Variants in PDZD2 observed in about 807,000 individuals in gnomAD.
PDZD2 encodes PDZ domain containing 2.
PDZD2 carries 90 observed loss-of-function variants against 220.7 expected under a neutral mutation model. That is an observed-to-expected ratio of 0.41 (90% CI 0.34 to 0.49). The LOEUF is 0.49. Ranked by LOEUF, PDZD2 falls within the 20% of genes least tolerant of loss-of-function variation. The probability of loss-of-function intolerance (pLI) is 0.28; values close to 1 mark genes in which losing one functional copy is unlikely to be tolerated. For synonymous variants in PDZD2, 1,375 were observed against 1,450.5 expected, an observed-to-expected ratio of 0.95 and a Z score of 1.18; for missense variants, 3,174 against 3,608.5, an observed-to-expected ratio of 0.88 and a Z score of 3.08.
chr5:32,002,377 G>A (rs1406238357), intron 5 of PDZD2, among the ~76,000 whole-genome samples: 1 of 152,068 alleles, frequency 6.6e-6, no homozygotes, highest in African/African-American at 2.4e-5. Flanking sequence ...CTCCCTGCAT[G>A]TCTTCACCCA....
At chr5:31,855,071 C>T (rs1758319045) in intron 2 of PDZD2, 19 of 985,172 alleles carry the variant, frequency 1.9e-5, no homozygotes, top group Non-Finnish European at 2.2e-5. Flanking sequence ...GCGCGGAGAC[C>T]GGCCTGGCGA....
At chr5:31,961,368 CAAAAAA>C (rs60867902) in intron 2 of PDZD2, among the ~76,000 whole-genome samples, 2 of 130,776 alleles carry the variant, frequency 1.5e-5, no homozygotes, top group Admixed American at 7.9e-5. Context: ...TCCGTCTCTA[CAAAAAA>C]AAAAAAAAAA....
Position 31,752,069 on chromosome 5 carries a change from G to GTTTTTTTT in PDZD2, c.-360-46817_-360-46816insTTTTTTTT, listed in dbSNP as rs1491302993. On this transcript the variant is annotated intron_variant, in intron 1 of 24. Coordinates refer to ENST00000438447, the MANE Select transcript of PDZD2 (RefSeq NM_178140.4). ...TTGTTTGTTTGTTTTATTGTTTTGG[G>GTTTTTTTT]TTTGTTTTTTTTTTTTTTTTTCTGA... Among the ~76,000 whole-genome samples, 7 of 95,856 alleles carry GTTTTTTTT rather than the reference G, an allele frequency of 7.3e-5. 1 individual carries two copies. The highest frequency in any genetic ancestry group is 8.8e-5 in the African/African-American group (2 of 22,700). 62.9% of individuals were successfully genotyped at this position (95,856 alleles called of 152,430 possible). A position where few individuals can be genotyped will look rare whatever the true frequency, so the allele number is the denominator to read the frequency against.
chr5:31,645,264 C>T (rs1417607289), intron 1 of PDZD2, among the ~76,000 whole-genome samples: 2 of 151,822 alleles, frequency 1.3e-5, no homozygotes, highest in East Asian at 1.9e-4. Flanking sequence ...CACAGTGATG[C>T]CCCAGACTGG....
At chr5:31,847,521 T>C (rs1757653507) in intron 2 of PDZD2, 2 of 669,032 alleles carry the variant, frequency 3.0e-6, no homozygotes, top group Admixed American at 3.6e-5. Flanking sequence ...CTGCCAAAAT[T>C]TGGTGTGAAG....
At chr5:31,781,328 C>T (rs549959304) in intron 1 of PDZD2, among the ~76,000 whole-genome samples, 12 of 152,326 alleles carry the variant, frequency 7.9e-5, no homozygotes, top group Admixed American at 5.9e-4. Flanking sequence ...GCAGGAGAAT[C>T]GCTTGAACCC....
chr5:31,869,535 G>A (rs1025353919), intron 2 of PDZD2, among the ~76,000 whole-genome samples: 1 of 151,970 alleles, frequency 6.6e-6, no homozygotes, highest in East Asian at 1.9e-4. Flanking sequence ...CTGCACTCCA[G>A]CCTGGGCGAC....
intron 2 of PDZD2, among the ~76,000 whole-genome samples, chr5:31,826,011 A>G (rs1756191012): frequency 6.6e-6 from 1 of 152,118 alleles, no homozygotes; most frequent in South Asian, 2.1e-4. Flanking sequence ...GTTCAAGTTC[A>G]GTTGCCCCTC....
chr5:31,814,965 G>A (rs539833958), intron 2 of PDZD2, among the ~76,000 whole-genome samples: 23 of 151,798 alleles, frequency 1.5e-4, no homozygotes, highest in Admixed American at 6.6e-5. Context: ...TGGCAAGGCC[G>A]GGGGCGGTGG....
At chr5:32,003,453 A>C (rs190975271) in intron 5 of PDZD2, among the ~76,000 whole-genome samples, 7 of 46,792 alleles carry the variant, frequency 1.5e-4, no homozygotes, top group South Asian at 7.2e-4. Flanking sequence ...CACTCCCCCC[A>C]ACACACACCC....
At chr5:31,976,714 C>CTTTTTTTTTTTTTTTTTTTT (rs869280921) in intron 2 of PDZD2, among the ~76,000 whole-genome samples, 35 of 99,716 alleles carry the variant, frequency 3.5e-4, no homozygotes, top group East Asian at 6.2e-4. Flanking sequence ...TTTCTTCTTT[C>CTTTTTTTTTTTTTTTTTTTT]TTTTTTTTTT....
At chr5:32,026,768 G>T (rs1299506199) in intron 6 of PDZD2, among the ~76,000 whole-genome samples, 2 of 152,198 alleles carry the variant, frequency 1.3e-5, no homozygotes, top group Non-Finnish European at 2.9e-5. Flanking sequence ...ACCATGGCAA[G>T]AGTGAGAGAG....
intron 6 of PDZD2, among the ~76,000 whole-genome samples, chr5:32,030,170 C>T (rs966138534): frequency 6.6e-6 from 1 of 152,240 alleles, no homozygotes; most frequent in Non-Finnish European, 1.5e-5. Flanking sequence ...TCAGTCAGTC[C>T]TGGGCCACAT....
At chr5:31,857,029 C>G (rs1384781973) in intron 2 of PDZD2, among the ~76,000 whole-genome samples, 1 of 151,926 alleles carries the variant, frequency 6.6e-6, no homozygotes, top group Admixed American at 6.6e-5. Flanking sequence ...TTTGTCTTTT[C>G]TAGAGGCGTG....
chr5:31,802,776 C>T (rs1175650197), intron 2 of PDZD2, among the ~76,000 whole-genome samples: 3 of 151,864 alleles, frequency 2.0e-5, no homozygotes, highest in East Asian at 1.9e-4. Flanking sequence ...AAAAATTAGC[C>T]GGGCGTGGTG....
In PDZD2 at chr5:31,865,091, C is replaced by T. The variant is rs181032110; in HGVS notation, c.476+65367C>T. Among the ~76,000 whole-genome samples, 5 of 152,130 alleles carry T rather than the reference C, an allele frequency of 3.3e-5. No individual in the cohort carries two copies. The East Asian group carries it at 7.8e-4, about 24-fold the overall frequency. On this transcript the variant is annotated intron_variant, in intron 2 of 24. Coordinates refer to ENST00000438447, the MANE Select transcript of PDZD2 (RefSeq NM_178140.4). ...CTCGATCTCCTGACCTCGTGATCCG[C>T]CCGCCTCAGCCTCCCAAAGTGCTGG...
chr5:32,072,715 G>A (rs1230561164), intron 17 of PDZD2, among the ~76,000 whole-genome samples: 1 of 152,180 alleles, frequency 6.6e-6, no homozygotes, highest in Non-Finnish European at 1.5e-5. Flanking sequence ...TACCCTGAGA[G>A]TTTACTCTTG....
At chr5:31,908,546 C>T (rs1386899643) in intron 2 of PDZD2, 7 of 1,010,446 alleles carry the variant, frequency 6.9e-6, no homozygotes, top group African/African-American at 1.6e-5. Flanking sequence ...ACGGAAAGCA[C>T]AGTAATGGCT....
At chr5:31,702,705 A>C (rs1227192277) in intron 1 of PDZD2, among the ~76,000 whole-genome samples, 1 of 152,272 alleles carries the variant, frequency 6.6e-6, no homozygotes, top group Non-Finnish European at 1.5e-5. Context: ...AATTTCTTCC[A>C]GCCAGAAGAC....
Sources: allele counts gnomAD v4.1 joint callset (sites outside exome capture counted in the v4.1 genomes callset), GRCh38; gene constraint gnomAD v4.1.1; transcripts MANE v1.5; gene names NCBI Gene and HGNC (gene_info 2026-07-23, HGNC 2026-07-21).